The following FGGY variants were observed in gnomAD, a reference collection of about 807,000 sequenced individuals.
The protein encoded by FGGY is FGGY carbohydrate kinase domain-containing protein.
FGGY carries 72 observed loss-of-function variants against 71.3 expected under a neutral mutation model. The observed-to-expected ratio is 1.01, with a 90% confidence interval of 0.84 to 1.23. FGGY has a LOEUF of 1.23. Ranked by LOEUF, FGGY falls within the 50% of genes most tolerant of loss-of-function variation. The pLI is 0.00. For synonymous variants in FGGY, 251 were observed against 250.3 expected, an observed-to-expected ratio of 1.00 and a Z score of -0.02; for missense variants, 668 against 682.3, an observed-to-expected ratio of 0.98 and a Z score of 0.23.
intron 8 of FGGY, among the ~76,000 whole-genome samples, chr1:59,570,048 T>C (rs1462871439): frequency 1.3e-5 from 2 of 152,270 alleles, no homozygotes; most frequent in African/African-American, 2.4e-5. Flanking sequence ...GAATTCTCCA[T>C]TGAGCTGCAA....
intron 14 of FGGY, among the ~76,000 whole-genome samples, chr1:59,746,853 G>T (rs982275181): frequency 6.6e-6 from 1 of 152,108 alleles, no homozygotes; most frequent in Non-Finnish European, 1.5e-5. Context: ...CAGAACTAGG[G>T]TTTGGATTAT....
At chr1:59,562,032 C>T (rs1190162681) in intron 8 of FGGY, among the ~76,000 whole-genome samples, 2 of 152,178 alleles carry the variant, frequency 1.3e-5, no homozygotes, top group Non-Finnish European at 2.9e-5. Context: ...GGAACTGTAG[C>T]TCTCACACAC....
rs369669169 is a variant in FGGY at position 59,321,719 on chromosome 1, A to G, written c.170A>G (p.Asp57Gly). Residue 57 changes from aspartate to glycine, a missense_variant, in exon 2 of 16, where the codon GAC becomes GGC. Coordinates refer to ENST00000303721, the MANE Select transcript of FGGY (RefSeq NM_018291.5). Reference sequence around the variant, plus strand: ...AACCACCATGAGCAGTCCTCCGAGGACATCTGGGCTGCGTGCTGTGTTGTC... The same window carrying G: ...AACCACCATGAGCAGTCCTCCGAGGGCATCTGGGCTGCGTGCTGTGTTGTC... Reference protein sequence around the residue: ...QFNHHEQSSEDIWAACCVVTK... With the variant: ...QFNHHEQSSEGIWAACCVVTK... The G allele has an allele frequency of 3.1e-6, 5 of 1,612,340 alleles. No homozygotes were observed. The highest frequency in any genetic ancestry group is 2.2e-5 in the East Asian group (1 of 44,862).
At chr1:59,728,741 C>T (rs1009854354) in intron 14 of FGGY, among the ~76,000 whole-genome samples, 1 of 151,966 alleles carries the variant, frequency 6.6e-6, no homozygotes, top group Non-Finnish European at 1.5e-5. Context: ...TCTGAGAAGT[C>T]CATTGTAATT....
intron 14 of FGGY, among the ~76,000 whole-genome samples, chr1:59,688,012 T>C (rs2097559007): frequency 6.6e-6 from 1 of 152,198 alleles, no homozygotes; most frequent in South Asian, 2.1e-4. Context: ...TCACTTGGAC[T>C]AAAGCTCAAA....
At chr1:59,699,600 A>G (rs2097693231) in intron 14 of FGGY, among the ~76,000 whole-genome samples, 1 of 152,212 alleles carries the variant, frequency 6.6e-6, no homozygotes, top group African/African-American at 2.4e-5. Flanking sequence ...CCAGGCTTCC[A>G]ATATGCAAAC....
intron 6 of FGGY, among the ~76,000 whole-genome samples, chr1:59,493,555 G>A (rs753203759): frequency 5.7e-4 from 87 of 152,262 alleles, no homozygotes; most frequent in Middle Eastern, 3.4e-3. Flanking sequence ...AATACTGTAT[G>A]ATCCTTCTTA....
At chr1:59,311,951 C>G (rs892847786) in intron 1 of FGGY, among the ~76,000 whole-genome samples, 1 of 152,182 alleles carries the variant, frequency 6.6e-6, no homozygotes, top group Non-Finnish European at 1.5e-5. Context: ...TTCTGACTGG[C>G]ATGAGATAGT....
intron 7 of FGGY, among the ~76,000 whole-genome samples, chr1:59,543,685 T>C (rs970210778): frequency 6.6e-6 from 1 of 151,176 alleles, no homozygotes; most frequent in Non-Finnish European, 1.5e-5. Flanking sequence ...CTAATTAATA[T>C]TTTTTTTCCT....
intron 2 of FGGY, among the ~76,000 whole-genome samples, chr1:59,332,720 T>C (rs183148948): frequency 1.3e-5 from 2 of 152,292 alleles, no homozygotes; most frequent in African/African-American, 4.8e-5. Flanking sequence ...GTTGAGGGGA[T>C]TCATAACATA....
intron 8 of FGGY, among the ~76,000 whole-genome samples, chr1:59,593,895 G>A (rs967612764): frequency 9.2e-5 from 14 of 152,318 alleles, no homozygotes; most frequent in African/African-American, 3.4e-4. Context: ...AAGAGCCCCA[G>A]ATAATTCCTG....
chr1:59,710,683 A>G (rs995540644), intron 14 of FGGY, among the ~76,000 whole-genome samples: 3 of 152,242 alleles, frequency 2.0e-5, no homozygotes, highest in Non-Finnish European at 4.4e-5. Flanking sequence ...GCCTACAAAC[A>G]TATGAAAAAA....
chr1:59,493,205 G>T (rs891469174), intron 6 of FGGY, among the ~76,000 whole-genome samples: 5 of 151,614 alleles, frequency 3.3e-5, no homozygotes, highest in African/African-American at 1.2e-4. Context: ...AATGTAAAAT[G>T]GTGTGGCTGC....
chr1:59,444,401 G>C (rs537929573), intron 5 of FGGY, among the ~76,000 whole-genome samples: 1 of 151,908 alleles, frequency 6.6e-6, no homozygotes, highest in Admixed American at 6.6e-5. Context: ...TCATTTCTTC[G>C]TGTTGGGAAT....
At chr1:59,752,953 GAAAGA>G (rs2101731172) in intron 14 of FGGY, among the ~76,000 whole-genome samples, 1 of 152,274 alleles carries the variant, frequency 6.6e-6, no homozygotes, top group East Asian at 1.9e-4. Context: ...CTTATAGAGA[GAAAGA>G]AAAGAAGTGA....
intron 5 of FGGY, among the ~76,000 whole-genome samples, chr1:59,418,135 C>T (rs2064793033): frequency 6.6e-6 from 1 of 152,022 alleles, no homozygotes; most frequent in Non-Finnish European, 1.5e-5. Flanking sequence ...TATGCAGACT[C>T]AGTGTATAAC....
At chr1:59,726,166 CCTT>C (rs1457171176) in intron 14 of FGGY, among the ~76,000 whole-genome samples, 2 of 151,896 alleles carry the variant, frequency 1.3e-5, no homozygotes, top group African/African-American at 2.4e-5. Context: ...AAATATTTCT[CCTT>C]CATTTATCAA....
intron 6 of FGGY, among the ~76,000 whole-genome samples, chr1:59,476,552 A>C (rs549372769): frequency 3.9e-5 from 6 of 152,362 alleles, no homozygotes; most frequent in East Asian, 3.9e-4. Context: ...GTCCTAGTCC[A>C]GTGATGCCTG....
intron 10 of FGGY, among the ~76,000 whole-genome samples, chr1:59,630,691 G>C (rs2096900238): frequency 6.6e-6 from 1 of 152,146 alleles, no homozygotes; most frequent in African/African-American, 2.4e-5. Flanking sequence ...CATTTGAGTA[G>C]CTTCTGTTGC....
Sources: gnomAD v4.1 joint callset for allele counts (sites outside exome capture counted in the v4.1 genomes callset) on GRCh38, gnomAD v4.1.1 for gene constraint, MANE v1.5 for transcripts, NCBI Gene and HGNC (gene_info 2026-07-23, HGNC 2026-07-21) for gene names.